TRRAP: variants seen among roughly 807,000 people sequenced by gnomAD.
TRRAP encodes the protein transformation/transcription domain associated protein.
TRRAP carries 41 observed loss-of-function variants against 438.8 expected under a neutral mutation model. The ratio of observed to expected loss-of-function variants is 0.09; its 90% CI spans 0.07 to 0.12. TRRAP has a LOEUF of 0.12. TRRAP is among the 10% of genes least tolerant of loss of function. The pLI is 1.00. For synonymous variants in TRRAP, 1,994 were observed against 1,962.9 expected (o/e 1.02, Z -0.42); for missense variants, 3,122 against 5,055.1 (o/e 0.62, Z 11.60).
At chr7:98,899,904 C>T in intron 10 of TRRAP, 137 bp downstream of exon 10, 1 of 859,372 alleles carries the variant, frequency 1.2e-6, no homozygotes, top group South Asian at 1.6e-5. Context: ...ACTTTCTGCA[C>T]CTGTGTTTCA....
At chr7:98,930,498 A>T (rs1203345603) in intron 24 of TRRAP, 135 bp from the exon 25 acceptor site, 1 of 1,200,390 alleles carries the variant, frequency 8.3e-7, no homozygotes, top group African/African-American at 1.5e-5. Flanking sequence ...GAATCACTTG[A>T]ACCTGGGAGA....
intron 65 of TRRAP, among the ~76,000 whole-genome samples, chr7:98,992,581 G>GTA (rs1174996509): frequency 6.6e-6 from 1 of 151,520 alleles, no homozygotes; most frequent in Non-Finnish European, 1.5e-5. Context: ...GTGTGTGTGT[G>GTA]TGTGTGTTTA....
At chr7:98,975,191 C>G (rs927229993) in intron 53 of TRRAP, among the ~76,000 whole-genome samples, 1 of 152,342 alleles carries the variant, frequency 6.6e-6, no homozygotes, top group South Asian at 2.1e-4. Context: ...CGTTCTTTAC[C>G]TAAATGTTTT....
Position 98,982,161 on chromosome 7 carries a change from G to A in TRRAP, c.8826+201G>A, listed in dbSNP as rs557437224. Among the ~76,000 whole-genome samples the A allele has an allele frequency of 4.5e-4, 69 of 152,254 alleles. 1 individual carries two copies. The highest frequency in any genetic ancestry group is 1.6e-3 in the African/African-American group (65 of 41,552). On this transcript the variant is annotated intron_variant, in intron 59 of 72. Coordinates refer to ENST00000456197, the MANE Select transcript of TRRAP (RefSeq NM_001375524.1). ...GAGAAAAACATGTCGGTGTTTCTGCGGGATTGAAGACATCCTCACAGTGAT... is the reference window on the plus strand; with the variant it reads ...GAGAAAAACATGTCGGTGTTTCTGCAGGATTGAAGACATCCTCACAGTGAT...
Position 98,906,396 on chromosome 7 carries a change from TTTTTGTTTTA to T in TRRAP, c.1115+145_1115+154del, listed in dbSNP as rs146905235. ...TAGGTTAGCAAGTGCAGGATTTTTGTTTTTGTTTTATTTATTTATTTATTTATTTATTTAT... is the reference window on the plus strand; with the variant it reads ...TAGGTTAGCAAGTGCAGGATTTTTGTTTTATTTATTTATTTATTTATTTAT... On this transcript the variant is annotated intron_variant, in intron 13 of 72. Transcript: ENST00000456197. 0.056 allele frequency: 19,905 copies of T among 357,946 alleles called. 979 individuals are homozygous for T. The highest frequency in any genetic ancestry group is 0.069 in the Non-Finnish European group (13,693 of 199,860). 22.2% of individuals were successfully genotyped at this position (357,946 alleles called of 1,614,324 possible). A position where few individuals can be genotyped will look rare whatever the true frequency, so the allele number is the denominator to read the frequency against.
At position 98,940,481 on chromosome 7, in the gene TRRAP, C is replaced by G. The variant is rs996368464; in HGVS notation, c.4405-2468C>G. Among the ~76,000 whole-genome samples the G allele has an allele frequency of 2.4e-4, 37 of 152,310 alleles. 1 individual carries two copies. The highest frequency in any genetic ancestry group is 8.7e-4 in the African/African-American group (36 of 41,578). ...ATTTTTAGTCCCCAGTCTAACCCTT[C>G]AGACCTGCTGTGAGCTGGGAATTCA... On this transcript the variant is annotated intron_variant, in intron 30 of 72. Transcript: ENST00000456197.
rs374886341 is a variant in TRRAP, at chr7:98,955,330, G to A, written c.5937+26G>A. 100 of 1,583,808 alleles carry A rather than the reference G, an allele frequency of 6.3e-5. 1 individual carries two copies. In the African/African-American group the frequency reaches 8.1e-4, roughly 13 times the overall value. On this transcript the variant is annotated intron_variant, in intron 41 of 72. Coordinates refer to ENST00000456197, the MANE Select transcript of TRRAP (RefSeq NM_001375524.1). ...GTGTGTAGGAGGGACGGTGGGCTGC[G>A]GGGCGCGCGTCTTCAGGCATTCACT...
In TRRAP at chr7:98,911,235, T is replaced by C. The variant is rs781981337; in HGVS notation, c.1971T>C (p.Tyr657=). 1.7e-5 allele frequency: 27 copies of C among 1,613,748 alleles called. No homozygotes were observed. Among genetic ancestry groups the C allele is most frequent in the African/African-American group, 1.3e-5 (1 of 74,934 alleles). ...FKEIFQTTVP[Y]MVERISKNYA... ...AAATCTTCCAAACTACGGTCCCTTA[T>C]ATGGTGGAGAGAATCTCAAAAAATT... The change falls in exon 17 of 73, where the codon TAT becomes TAC. Residue 657 remains tyrosine (Y), a synonymous_variant. Coordinates refer to ENST00000456197, the MANE Select transcript of TRRAP (RefSeq NM_001375524.1).
chr7:98,917,774 G>A, intron 20 of TRRAP, 95 bp downstream of exon 20: 1 of 1,463,194 alleles, frequency 6.8e-7, no homozygotes. Flanking sequence ...CTGCAAGATG[G>A]ACCAGTGCAG....
Position 98,949,599 on chromosome 7 carries a change from A to G in TRRAP, c.4953+18A>G, listed in dbSNP as rs1584349369. 1 of 1,585,162 alleles carries G rather than the reference A, an allele frequency of 6.3e-7. No homozygotes were observed. Among genetic ancestry groups the G allele is most frequent in the East Asian group, 2.2e-5 (1 of 44,570 alleles). Reference sequence around the variant, plus strand: ...CCATCAAGGTAGCGCCCCTTCCTCCAGCCCCCAATGCCCAGGGGTTTAATC... The same window carrying G: ...CCATCAAGGTAGCGCCCCTTCCTCCGGCCCCCAATGCCCAGGGGTTTAATC... On this transcript the variant is annotated intron_variant, in intron 36 of 72. Transcript: ENST00000456197.
At chr7:98,993,112 G>C (rs1474310518) in intron 65 of TRRAP, among the ~76,000 whole-genome samples, 2 of 152,162 alleles carry the variant, frequency 1.3e-5, no homozygotes, top group African/African-American at 4.8e-5. Context: ...TAGATTCTCT[G>C]AGTTTATAGT....
intron 13 of TRRAP, among the ~76,000 whole-genome samples, chr7:98,907,516 G>A (rs1554407687): frequency 6.6e-6 from 1 of 152,158 alleles, no homozygotes; most frequent in East Asian, 1.9e-4. Context: ...TATAGACAAT[G>A]TTATAAAATA....
chr7:99,007,055 C>T (rs1317906603), intron 69 of TRRAP, among the ~76,000 whole-genome samples: 3 of 152,172 alleles, frequency 2.0e-5, no homozygotes, highest in Non-Finnish European at 2.9e-5. Flanking sequence ...TCTCCAATAC[C>T]GAATGGTGAT....
In TRRAP at chr7:98,933,443, CGT is replaced by C. The variant is rs782044781; in HGVS notation, c.4014+46_4014+47del. ...TGCGGAGTGGTGTGGATGGTGATGA[CGT>C]GTGTCTGCTAGCCTGTCTTTGTACG... On this transcript the variant is annotated intron_variant, in intron 27 of 72. Transcript: ENST00000456197. The C allele has an allele frequency of 2.8e-5, 45 of 1,583,588 alleles. No homozygotes were observed. In the East Asian group the frequency reaches 9.8e-4, roughly 35 times the overall value.
intron 31 of TRRAP, among the ~76,000 whole-genome samples, chr7:98,944,078 T>A (rs1221409649): frequency 6.6e-6 from 1 of 152,170 alleles, no homozygotes; most frequent in Non-Finnish European, 1.5e-5. Flanking sequence ...GGTTTGCTGT[T>A]TATATATGTG....
chr7:98,961,286 G>C lies in TRRAP; in HGVS notation c.6515G>C (p.Gly2172Ala). ...GAGCAGCCAAACCAAGTGAACTATGGGAATATCTGCACGGGCCTAGAAGTG... is the reference window on the plus strand; with the variant it reads ...GAGCAGCCAAACCAAGTGAACTATGCGAATATCTGCACGGGCCTAGAAGTG... ...TVEQPNQVNY[G>A]NICTGLEVLS... Residue 2172 changes from glycine to alanine, a missense_variant, in exon 46 of 73, where the codon GGG (glycine) becomes GCG (alanine). Around this residue, in one of 24 missense-constraint regions of TRRAP, gnomAD observed 992 missense variants for 1,281.2 expected, o/e 0.77. Coordinates refer to ENST00000456197, the MANE Select transcript of TRRAP (RefSeq NM_001375524.1). The C allele has an allele frequency of 6.2e-7, 1 of 1,614,156 alleles. No homozygotes were observed. Among genetic ancestry groups the C allele is most frequent in the East Asian group, 2.2e-5 (1 of 44,884 alleles).
intron 61 of TRRAP, 23 bp downstream of exon 61, chr7:98,984,381 A>G: frequency 6.6e-7 from 1 of 1,525,042 alleles, no homozygotes; most frequent in East Asian, 2.4e-5. Context: ...CACTTGAAGA[A>G]TGAGGCCAGG....
At position 98,977,020 on chromosome 7, in the gene TRRAP, A is replaced by C. The variant is rs762486020; in HGVS notation, c.8329A>C (p.Lys2777Gln). Residue 2777 changes from lysine (K) to glutamine (Q), a missense_variant, in exon 56 of 73, where the codon AAG becomes CAG. By Grantham distance (53) the Lys-to-Gln change is moderately conservative. Transcript: ENST00000456197. ...GGCTGGTCTGTGGCAGAAGCGGTGC[A>C]AGTACTCGGAGACAGCGACTGCGAT... ...MWAGLWQKRC[K>Q]YSETATAIAY... The C allele has an allele frequency of 6.2e-7, 1 of 1,614,212 alleles. No individual in the cohort carries two copies. The highest frequency in any genetic ancestry group is 8.5e-7 in the Non-Finnish European group (1 of 1,180,026).
chr7:98,964,860 A>T, intron 48 of TRRAP, 85 bp downstream of exon 48: 2 of 1,454,740 alleles, frequency 1.4e-6, no homozygotes, highest in Non-Finnish European at 1.8e-6. Context: ...GCTGAACTCT[A>T]AAGGGAATGT....
Sources: allele counts gnomAD v4.1 joint callset (sites outside exome capture counted in the v4.1 genomes callset), GRCh38; gene constraint gnomAD v4.1.1; regional missense constraint gnomAD v4.1.1; transcripts MANE v1.5; gene names NCBI Gene and HGNC (gene_info 2026-07-23, HGNC 2026-07-21).